RAPGEF1: variants seen among roughly 807,000 people sequenced by gnomAD.
The protein encoded by RAPGEF1 is CRK SH3-binding GNRP.
In RAPGEF1, 33 loss-of-function variants were observed where a neutral mutation model predicts 143.3. That is an observed-to-expected ratio of 0.23 (90% CI 0.17 to 0.31). The LOEUF (loss-of-function observed/expected upper bound fraction) is 0.31. RAPGEF1 is among the 10% of genes least tolerant of loss of function. RAPGEF1 has a pLI of 1.00. For missense variants in RAPGEF1, 1,199 were observed against 1,645.4 expected (o/e 0.73, Z 4.69); for synonymous variants, 629 against 676.5 (o/e 0.93, Z 1.09).
At chr9:131,648,283 C>T (rs1194515141) in intron 3 of RAPGEF1, among the ~76,000 whole-genome samples, 3 of 152,066 alleles carry the variant, frequency 2.0e-5, no homozygotes, top group Non-Finnish European at 4.4e-5. Flanking sequence ...CCCAGCTACT[C>T]GGGTGGCTGA....
intron 17 of RAPGEF1, among the ~76,000 whole-genome samples, chr9:131,593,840 A>T (rs1954784316): frequency 6.6e-6 from 1 of 152,236 alleles, no homozygotes; most frequent in Admixed American, 6.5e-5. Context: ...GGAAGGAAGC[A>T]GAGATGGCAC....
intron 1 of RAPGEF1, among the ~76,000 whole-genome samples, chr9:131,672,147 G>A (rs2130796738): frequency 6.6e-6 from 1 of 152,318 alleles, no homozygotes; most frequent in South Asian, 2.1e-4. Context: ...TGGAACTAAG[G>A]ACCAAGCACA....
intron 1 of RAPGEF1, among the ~76,000 whole-genome samples, chr9:131,659,855 G>A (rs1453203178): frequency 2.0e-5 from 3 of 151,990 alleles, no homozygotes; most frequent in Non-Finnish European, 4.4e-5. Context: ...GTCTCGCTCT[G>A]TCGCCCAGGC....
At chr9:131,630,559 C>T (rs1469238362) in intron 5 of RAPGEF1, among the ~76,000 whole-genome samples, 2 of 152,224 alleles carry the variant, frequency 1.3e-5, no homozygotes, top group Non-Finnish European at 2.9e-5. Context: ...TGCGTAAAGG[C>T]ACTTCCTCTT....
At chr9:131,613,297 T>C (rs772325559) in intron 12 of RAPGEF1, among the ~76,000 whole-genome samples, 6 of 151,858 alleles carry the variant, frequency 4.0e-5, no homozygotes, top group Non-Finnish European at 5.9e-5. Context: ...ACTCGTATGT[T>C]GGGAAGGGAT....
chr9:131,593,763 C>G (rs915687571), intron 17 of RAPGEF1, among the ~76,000 whole-genome samples: 1 of 152,232 alleles, frequency 6.6e-6, no homozygotes, highest in Non-Finnish European at 1.5e-5. Context: ...TGTGCTCAGG[C>G]TCATTCCTCG....
intron 1 of RAPGEF1, among the ~76,000 whole-genome samples, chr9:131,716,298 G>A (rs1468639520): frequency 6.6e-6 from 1 of 152,236 alleles, no homozygotes; most frequent in East Asian, 1.9e-4. Flanking sequence ...GATGAGGCTG[G>A]TTCACTGAAG....
chr9:131,660,553 C>A (rs1311713003), intron 1 of RAPGEF1, among the ~76,000 whole-genome samples: 1 of 152,088 alleles, frequency 6.6e-6, no homozygotes, highest in East Asian at 1.9e-4. Context: ...GCAGTCAGGC[C>A]CCCGAATGAA....
At chr9:131,663,096 A>G (rs753713335) in intron 1 of RAPGEF1, among the ~76,000 whole-genome samples, 88 of 151,960 alleles carry the variant, frequency 5.8e-4, no homozygotes, top group Non-Finnish European at 7.2e-4. Flanking sequence ...CCCGCTTTCC[A>G]AAGTTATATT....
chr9:131,592,319 G>A, intron 17 of RAPGEF1, 136 bp from the exon 18 acceptor site: 1 of 648,656 alleles, frequency 1.5e-6, no homozygotes, highest in Non-Finnish European at 2.7e-6. Context: ...AGGGAGCCGA[G>A]GGCTTGGGAA....
In RAPGEF1 at chr9:131,577,664, T is replaced by A. The variant is rs1951356696; in HGVS notation, c.*1833A>T. On this transcript the variant is annotated 3_prime_UTR_variant, in exon 27 of 27. Transcript: ENST00000683357. ...GGGGAGAGAGAGTCAAGGATTGAAA[T>A]GAAGGGACTTCAAAAAGAAGGAACA... 6.6e-6 allele frequency: 1 copy of A among 152,324 alleles called. No individual in the cohort carries two copies. The highest frequency in any genetic ancestry group is 1.5e-5 in the Non-Finnish European group (1 of 68,128). 9.4% of individuals were successfully genotyped at this position (152,324 alleles called of 1,614,324 possible).
At chr9:131,599,235 C>T (rs1955847943) in intron 15 of RAPGEF1, among the ~76,000 whole-genome samples, 1 of 151,958 alleles carries the variant, frequency 6.6e-6, no homozygotes, top group African/African-American at 2.4e-5. Context: ...AGCCATCCTC[C>T]CACCTTAGTC....
At chr9:131,635,589 C>T (rs574541238) in intron 5 of RAPGEF1, among the ~76,000 whole-genome samples, 1 of 152,230 alleles carries the variant, frequency 6.6e-6, no homozygotes, top group African/African-American at 2.4e-5. Context: ...GGCTCTCTCA[C>T]GCCACCAGGG....
intron 1 of RAPGEF1, among the ~76,000 whole-genome samples, chr9:131,689,697 C>A (rs1833636531): frequency 6.6e-6 from 1 of 152,104 alleles, no homozygotes; most frequent in Admixed American, 6.5e-5. Flanking sequence ...CACTGCCATG[C>A]CCAGCTAATT....
intron 1 of RAPGEF1, among the ~76,000 whole-genome samples, chr9:131,725,684 T>G (rs1222194500): frequency 6.6e-6 from 1 of 152,124 alleles, no homozygotes; most frequent in Non-Finnish European, 1.5e-5. Context: ...CATTTTGATG[T>G]GTTTATTAGC....
At chr9:131,677,019 C>CATA (rs1179318152) in intron 1 of RAPGEF1, among the ~76,000 whole-genome samples, 2 of 152,190 alleles carry the variant, frequency 1.3e-5, no homozygotes, top group Admixed American at 6.5e-5. Context: ...GCTGATGTCC[C>CATA]TTTTTATTGT....
At position 131,655,250 on chromosome 9, in the gene RAPGEF1, A is replaced by C. The variant is rs768808632; in HGVS notation, c.62-4301T>G. Among the ~76,000 whole-genome samples the C allele has an allele frequency of 6.6e-6, 1 of 152,212 alleles. No homozygotes were observed. ...AAGCCAGGGCCTGACCCGCATTCAC[A>C]TGTGGTCAAACCAAACAGCTTCACA... On this transcript the variant is annotated intron_variant, in intron 1 of 26. Coordinates refer to ENST00000683357, the MANE Select transcript of RAPGEF1 (RefSeq NM_001377935.1). The surrounding 1 kb of genome is among the most constrained non-coding windows in gnomAD (Gnocchi z 4.1).
At chr9:131,663,927 G>T (rs1830010436) in intron 1 of RAPGEF1, among the ~76,000 whole-genome samples, 1 of 152,092 alleles carries the variant, frequency 6.6e-6, no homozygotes, top group Admixed American at 6.5e-5. Flanking sequence ...TTATTTTACT[G>T]GTGGTTACAC....
chr9:131,680,204 T>C (rs1244030800), intron 1 of RAPGEF1, among the ~76,000 whole-genome samples: 1 of 152,228 alleles, frequency 6.6e-6, no homozygotes, highest in Admixed American at 6.5e-5. Context: ...TGGGGTTCAA[T>C]ATGCTTAACT....
Sources: allele counts gnomAD v4.1 joint callset (sites outside exome capture counted in the v4.1 genomes callset), GRCh38; gene constraint gnomAD v4.1.1; non-coding constraint Gnocchi (gnomAD v3.1); transcripts MANE v1.5; gene names NCBI Gene and HGNC (gene_info 2026-07-23, HGNC 2026-07-21).